The following ELOVL6 variants were observed in gnomAD, a reference collection of about 807,000 sequenced individuals.
ELOVL6 encodes the protein very long chain fatty acid elongase 6.
Under a neutral mutation model 31.7 loss-of-function variants are expected in ELOVL6, and 8 were observed. That is an observed-to-expected ratio of 0.25 (90% CI 0.15 to 0.45). The LOEUF is 0.45. ELOVL6 is among the 20% of genes least tolerant of loss of function. The pLI is 1.00. For synonymous variants in ELOVL6, 101 were observed against 117.7 expected, an observed-to-expected ratio of 0.86 and a Z score of 0.92; for missense variants, 126 against 326.4, an observed-to-expected ratio of 0.39 and a Z score of 4.73.
intron 2 of ELOVL6, among the ~76,000 whole-genome samples, chr4:110,072,487 T>G (rs1202463818): frequency 6.6e-6 from 1 of 152,094 alleles, no homozygotes; most frequent in Non-Finnish European, 1.5e-5. Flanking sequence ...AAAAAATCCT[T>G]TGTACTAGTA....
Position 110,198,371 on chromosome 4 carries a change from T to C in ELOVL6, c.-36A>G, listed in dbSNP as rs1163319212. On this transcript the variant is annotated 5_prime_UTR_variant, in exon 1 of 4. Transcript: ENST00000302274. The stretch of plus-strand genomic sequence containing the variant: ...CTTCGGAGTCGCTACGTGTTCTCTA[T>C]ACAAAATAAAATAATCTGTAAAGCG... 1 of 1,276,014 alleles carries C rather than the reference T, an allele frequency of 7.8e-7. No homozygotes were observed. Among genetic ancestry groups the C allele is most frequent in the Non-Finnish European group, 1.1e-6 (1 of 881,674 alleles). 79.0% of individuals were successfully genotyped at this position (1,276,014 alleles called of 1,614,324 possible). A position where few individuals can be genotyped will look rare whatever the true frequency, so the allele number is the denominator to read the frequency against.
At chr4:110,054,953 G>A (rs770048089) in intron 3 of ELOVL6, among the ~76,000 whole-genome samples, 7 of 152,064 alleles carry the variant, frequency 4.6e-5, no homozygotes, top group African/African-American at 7.3e-5. Context: ...TGGTGGGTGC[G>A]GGAATGAAAT....
chr4:110,084,332 T>TAC (rs1218170296), intron 2 of ELOVL6, among the ~76,000 whole-genome samples: 2 of 134,672 alleles, frequency 1.5e-5, no homozygotes, highest in Non-Finnish European at 3.1e-5. Context: ...ATTTGATATA[T>TAC]ATCACATATA....
intron 2 of ELOVL6, among the ~76,000 whole-genome samples, chr4:110,081,224 C>T (rs992471739): frequency 1.3e-5 from 2 of 152,040 alleles, no homozygotes; most frequent in African/African-American, 4.8e-5. Context: ...ATTTTCTTCA[C>T]AGAATTGGAA....
intron 2 of ELOVL6, among the ~76,000 whole-genome samples, chr4:110,071,023 CAACT>C (rs1755465310): frequency 6.6e-6 from 1 of 152,122 alleles, no homozygotes; most frequent in Non-Finnish European, 1.5e-5. Flanking sequence ...TCCCCCAACC[CAACT>C]AACTAAAAAC....
In ELOVL6 at chr4:110,057,853, G is replaced by GAAA. The variant is rs755067574; in HGVS notation, c.373+1749_373+1750insTTT. 4.3e-4 allele frequency among the ~76,000 whole-genome samples: 39 copies of GAAA among 90,876 alleles called. 4 individuals carry two copies. Among genetic ancestry groups the GAAA allele is most frequent in the South Asian group, 6.9e-4 (2 of 2,888 alleles). 59.6% of individuals were successfully genotyped at this position (90,876 alleles called of 152,430 possible). On this transcript the variant is annotated intron_variant, in intron 3 of 3. Transcript: ENST00000302274. Reference sequence around the variant, plus strand: ...GCAACAGAGTAAGACTCTGTCTCAGGGAAAAAAAAAAAAAAAAAAAAATCA... The same window carrying GAAA: ...GCAACAGAGTAAGACTCTGTCTCAGGAAAGAAAAAAAAAAAAAAAAAAAAATCA...
intron 1 of ELOVL6, among the ~76,000 whole-genome samples, chr4:110,163,768 T>G (rs1422628563): frequency 6.6e-6 from 1 of 152,162 alleles, no homozygotes; most frequent in East Asian, 1.9e-4. Context: ...GTTTCAGAAA[T>G]AGAGAAAGAA....
chr4:110,103,465 A>G (rs905158120), intron 2 of ELOVL6, among the ~76,000 whole-genome samples: 1 of 152,188 alleles, frequency 6.6e-6, no homozygotes, highest in Non-Finnish European at 1.5e-5. Context: ...TAACTTAAAA[A>G]AAAAACCTGA....
At chr4:110,124,327 T>G (rs1443985561) in intron 1 of ELOVL6, among the ~76,000 whole-genome samples, 7 of 152,156 alleles carry the variant, frequency 4.6e-5, no homozygotes, top group Non-Finnish European at 1.5e-5. Context: ...AATGATGGAC[T>G]GGACAAAGAA....
At chr4:110,190,806 C>CT (rs201577240) in intron 1 of ELOVL6, among the ~76,000 whole-genome samples, 3,819 of 141,980 alleles carry the variant, frequency 0.027, 213 homozygotes, top group Admixed American at 0.14. Context: ...TGCCCGGCCA[C>CT]TTTTTTTTTT....
At chr4:110,116,907 C>T (rs761744159) in intron 1 of ELOVL6, among the ~76,000 whole-genome samples, 6 of 152,106 alleles carry the variant, frequency 3.9e-5, no homozygotes, top group Non-Finnish European at 5.9e-5. Flanking sequence ...CCTTCACTTC[C>T]TTCCTTTCTG....
intron 1 of ELOVL6, among the ~76,000 whole-genome samples, chr4:110,122,711 C>T (rs918196074): frequency 5.9e-5 from 9 of 152,202 alleles, no homozygotes; most frequent in African/African-American, 1.4e-4. Flanking sequence ...AATGGTTTCA[C>T]CTCTCCCTAC....
At chr4:110,106,652 C>A (rs1421822742) in intron 1 of ELOVL6, among the ~76,000 whole-genome samples, 3 of 152,092 alleles carry the variant, frequency 2.0e-5, no homozygotes, top group Admixed American at 2.0e-4. Flanking sequence ...TGGGTTTTGG[C>A]CAGCTTCTTA....
chr4:110,189,795 C>T (rs1163240452), intron 1 of ELOVL6, among the ~76,000 whole-genome samples: 2 of 151,410 alleles, frequency 1.3e-5, no homozygotes, highest in Non-Finnish European at 2.9e-5. Context: ...AGTGAAACCC[C>T]GTCTCTACTA....
In ELOVL6 at chr4:110,130,682, C is replaced by T. The variant is rs531632142; in HGVS notation, c.90-25054G>A. ...ACCAAAGTGTCCACCATCATCCATCCGGCCAAGGATTGGATAGTTCCCTTT... is the reference window on the plus strand; with the variant it reads ...ACCAAAGTGTCCACCATCATCCATCTGGCCAAGGATTGGATAGTTCCCTTT... On this transcript the variant is annotated intron_variant, in intron 1 of 3. Coordinates refer to ENST00000302274, the MANE Select transcript of ELOVL6 (RefSeq NM_024090.3). Among the ~76,000 whole-genome samples, 10 of 152,280 alleles carry T rather than the reference C, an allele frequency of 6.6e-5. No homozygotes were observed. In the South Asian group the frequency reaches 8.3e-4, roughly 13 times the overall value.
intron 2 of ELOVL6, among the ~76,000 whole-genome samples, chr4:110,096,254 G>C (rs1756576868): frequency 6.6e-6 from 1 of 152,168 alleles, no homozygotes; most frequent in South Asian, 2.1e-4. Context: ...TAAAACTAAA[G>C]ACTGTCCTGA....
chr4:110,156,001 C>G (rs1758405403), intron 1 of ELOVL6, among the ~76,000 whole-genome samples: 1 of 152,214 alleles, frequency 6.6e-6, no homozygotes, highest in South Asian at 2.1e-4. Context: ...TTGCAAACTT[C>G]TCTCAGGAAT....
At chr4:110,156,327 T>G (rs879622111) in intron 1 of ELOVL6, among the ~76,000 whole-genome samples, 142 of 152,140 alleles carry the variant, frequency 9.3e-4, no homozygotes, top group Non-Finnish European at 1.7e-3. Context: ...TAATGAAAGG[T>G]AAGGGCTTTT....
rs1003268276 is a variant in ELOVL6 at position 110,047,032 on chromosome 4, T to C, written c.*4306A>G. Reference sequence around the variant, plus strand: ...GAGACAATGACTCACAGCATGAACATAGGCTTTACGATCATCCTAAATTGA... The same window carrying C: ...GAGACAATGACTCACAGCATGAACACAGGCTTTACGATCATCCTAAATTGA... On this transcript the variant is annotated 3_prime_UTR_variant, in exon 4 of 4. Transcript: ENST00000302274. 2.6e-5 allele frequency: 4 copies of C among 152,170 alleles called. No individual in the cohort carries two copies. The highest frequency in any genetic ancestry group is 4.8e-5 in the African/African-American group (2 of 41,436). The allele number at this position is 152,170 out of a possible 1,614,324, so 9.4% of individuals were successfully genotyped here.
Sources: allele counts gnomAD v4.1 joint callset (sites outside exome capture counted in the v4.1 genomes callset), GRCh38; gene constraint gnomAD v4.1.1; transcripts MANE v1.5; gene names NCBI Gene and HGNC (gene_info 2026-07-23, HGNC 2026-07-21).